The following TAFA5 variants were observed in gnomAD, a reference collection of about 807,000 sequenced individuals.
TAFA5 encodes the protein chemokine-like protein TAFA-5.
A neutral mutation model predicts 15.3 loss-of-function variants in TAFA5; 6 were observed. That is an observed-to-expected ratio of 0.39 (90% CI 0.21 to 0.77). The LOEUF (loss-of-function observed/expected upper bound fraction) is 0.77, where lower values mean the gene tolerates loss of function less well. Among genes scored for constraint, TAFA5 ranks in the 30% least tolerant of loss-of-function variants. The pLI is 0.41. For synonymous variants in TAFA5, 103 were observed against 80.7 expected (o/e 1.28, Z -1.48); for missense variants, 161 against 193.1 (o/e 0.83, Z 0.98).
intron 1 of TAFA5, among the ~76,000 whole-genome samples, chr22:48,562,434 G>T (rs953926892): frequency 6.6e-6 from 1 of 152,180 alleles, no homozygotes; most frequent in African/African-American, 2.4e-5. Context: ...CACCGCGCCC[G>T]GCCCCGCGGA....
At chr22:48,574,508 C>T (rs1183746505) in intron 1 of TAFA5, among the ~76,000 whole-genome samples, 1 of 152,156 alleles carries the variant, frequency 6.6e-6, no homozygotes, top group Admixed American at 6.5e-5. Flanking sequence ...CTTGATCTAT[C>T]TGACCTCCAA....
At chr22:48,509,376 G>T (rs1921127389) in intron 1 of TAFA5, among the ~76,000 whole-genome samples, 1 of 152,082 alleles carries the variant, frequency 6.6e-6, no homozygotes, top group South Asian at 2.1e-4. Flanking sequence ...ATTTTTTTGA[G>T]ACATCTCCGT....
intron 2 of TAFA5, among the ~76,000 whole-genome samples, chr22:48,699,366 C>T (rs533147449): frequency 6.6e-6 from 1 of 152,212 alleles, no homozygotes; most frequent in East Asian, 1.9e-4. Flanking sequence ...ACCAAATAAA[C>T]TGAGGCCTAT....
chr22:48,677,975 G>A (rs543052081), intron 2 of TAFA5, among the ~76,000 whole-genome samples: 1 of 151,968 alleles, frequency 6.6e-6, no homozygotes, highest in Admixed American at 6.5e-5. Context: ...GACCCCGAGA[G>A]CTCACTCCCC....
At chr22:48,661,988 CTGGGGG>C in intron 2 of TAFA5, among the ~76,000 whole-genome samples, 1 of 103,792 alleles carries the variant, frequency 9.6e-6, no homozygotes, top group Non-Finnish European at 1.9e-5. Context: ...GAGATGGTGA[CTGGGGG>C]CTCATTGGGG....
intron 1 of TAFA5, among the ~76,000 whole-genome samples, chr22:48,492,431 A>T (rs1316055838): frequency 6.6e-6 from 1 of 152,216 alleles, no homozygotes; most frequent in Non-Finnish European, 1.5e-5. Context: ...TAGTGCAGCT[A>T]GGAGGAAACT....
intron 2 of TAFA5, among the ~76,000 whole-genome samples, chr22:48,650,538 G>A (rs1489407569): frequency 6.6e-6 from 1 of 152,132 alleles, no homozygotes; most frequent in Admixed American, 6.5e-5. Flanking sequence ...GAGGGATGAT[G>A]AGGAGCTCAC....
At chr22:48,660,591 T>C (rs1927401718) in intron 2 of TAFA5, among the ~76,000 whole-genome samples, 1 of 152,256 alleles carries the variant, frequency 6.6e-6, no homozygotes, top group Non-Finnish European at 1.5e-5. Context: ...GGAGCTGATG[T>C]TCCTGTTTTC....
intron 1 of TAFA5, among the ~76,000 whole-genome samples, chr22:48,562,184 T>C (rs133452): frequency 0.7 from 105,714 of 151,952 alleles, 37,405 homozygotes; most frequent in Non-Finnish European, 0.76. Flanking sequence ...GTCGCCCAGG[T>C]TGGAGTGCAG....
chr22:48,572,605 C>A (rs1277011953), intron 1 of TAFA5, among the ~76,000 whole-genome samples: 2 of 152,130 alleles, frequency 1.3e-5, no homozygotes, highest in African/African-American at 4.8e-5. Flanking sequence ...AGGTTCCTGG[C>A]TTTTTTTGTG....
intron 1 of TAFA5, among the ~76,000 whole-genome samples, chr22:48,620,263 G>C (rs1386650311): frequency 6.6e-6 from 1 of 152,068 alleles, no homozygotes; most frequent in Non-Finnish European, 1.5e-5. Context: ...AGCGTCTCCA[G>C]GTCCCTGACC....
intron 1 of TAFA5, among the ~76,000 whole-genome samples, chr22:48,585,868 T>A (rs1924338977): frequency 6.6e-6 from 1 of 151,390 alleles, no homozygotes; most frequent in Non-Finnish European, 1.5e-5. Context: ...CACACAAACA[T>A]ACACCACATG....
chr22:48,658,325 A>C (rs1042408770), intron 2 of TAFA5, among the ~76,000 whole-genome samples: 7 of 152,222 alleles, frequency 4.6e-5, no homozygotes, highest in Admixed American at 4.6e-4. Flanking sequence ...TGAGGAGGAC[A>C]GAGGCAGGTC....
chr22:48,523,310 A>G (rs1353923988), intron 1 of TAFA5, among the ~76,000 whole-genome samples: 1 of 152,122 alleles, frequency 6.6e-6, no homozygotes, highest in East Asian at 1.9e-4. Flanking sequence ...GGCCAGTTCC[A>G]CTTAAACACC....
chr22:48,507,607 C>T (rs978122253), intron 1 of TAFA5, among the ~76,000 whole-genome samples: 13 of 152,226 alleles, frequency 8.5e-5, no homozygotes, highest in South Asian at 2.1e-4. Context: ...TCTTTGGCCC[C>T]AGAAAGGGCC....
At chr22:48,525,075 C>T (rs749853762) in intron 1 of TAFA5, among the ~76,000 whole-genome samples, 1 of 152,206 alleles carries the variant, frequency 6.6e-6, no homozygotes, top group Non-Finnish European at 1.5e-5. Context: ...TGCCTCCCCT[C>T]AACTTACCAG....
rs893068747 is a variant in TAFA5, at chr22:48,735,054, A to T, written c.391-14785A>T. Reference sequence around the variant, plus strand: ...TGACAGCAAACGCCTGACCCTGTGCACCTAGGCACTCAGGTAGATTAACTC... The same window carrying T: ...TGACAGCAAACGCCTGACCCTGTGCTCCTAGGCACTCAGGTAGATTAACTC... On this transcript the variant is annotated intron_variant, in intron 3 of 3. Coordinates refer to ENST00000402357, the MANE Select transcript of TAFA5 (RefSeq NM_001082967.3). Among the ~76,000 whole-genome samples the T allele has an allele frequency of 2.6e-5, 4 of 152,352 alleles. No homozygotes were observed. The East Asian group carries it at 7.7e-4, about 29-fold the overall frequency.
In TAFA5 at chr22:48,538,611, C is replaced by T. The variant is rs1399161557; in HGVS notation, c.112+48907C>T. Reference sequence around the variant, plus strand: ...TGACTGTGCCTGCTCATGGGTCTGCCGTGCTCTCTGCTCCGGGCCGCGGTG... The same window carrying T: ...TGACTGTGCCTGCTCATGGGTCTGCTGTGCTCTCTGCTCCGGGCCGCGGTG... On this transcript the variant is annotated intron_variant, in intron 1 of 3. Transcript: ENST00000402357. Among the ~76,000 whole-genome samples, 4 of 152,222 alleles carry T rather than the reference C, an allele frequency of 2.6e-5. No individual in the cohort carries two copies. In the East Asian group the frequency reaches 7.7e-4, roughly 29 times the overall value.
chr22:48,732,789 G>A (rs930919247), intron 3 of TAFA5, among the ~76,000 whole-genome samples: 1 of 152,242 alleles, frequency 6.6e-6, no homozygotes, highest in African/African-American at 2.4e-5. Flanking sequence ...TACAGCAAAC[G>A]TTAGTGTTGT....
Sources: gnomAD v4.1 joint callset for allele counts (sites outside exome capture counted in the v4.1 genomes callset) on GRCh38, gnomAD v4.1.1 for gene constraint, MANE v1.5 for transcripts, NCBI Gene and HGNC (gene_info 2026-07-23, HGNC 2026-07-21) for gene names.